Variants in DNAH7 observed in about 807,000 individuals in gnomAD.
DNAH7 encodes axonemal beta dynein heavy chain 7.
DNAH7 carries 397 observed loss-of-function variants against 444.6 expected under a neutral mutation model. The ratio of observed to expected loss-of-function variants is 0.89; its 90% confidence interval spans 0.82 to 0.97. DNAH7 has a LOEUF of 0.97. Ranked by LOEUF, DNAH7 falls within the 50% of genes least tolerant of loss-of-function variation. DNAH7 has a pLI of 0.00. For missense variants in DNAH7, 4,902 were observed against 4,800.8 expected (o/e 1.02, Z -0.62); for synonymous variants, 1,636 against 1,624.4 (o/e 1.01, Z -0.17).
chr2:195,741,439 G>T (rs1693026481), intron 63 of DNAH7, among the ~76,000 whole-genome samples: 1 of 152,310 alleles, frequency 6.6e-6, no homozygotes, highest in African/African-American at 2.4e-5. Flanking sequence ...AACAGCTAAA[G>T]AGTACAATTT....
At position 196,018,657 on chromosome 2, in the gene DNAH7, G is replaced by A. The variant is rs1050605166; in HGVS notation, c.869+513C>T. On this transcript the variant is annotated intron_variant, in intron 9 of 64. Transcript: ENST00000312428. ...TAGAGTTGAAAAACACAATTGACGT[G>A]CTGAAGAATGCATCAGAGTCCATTA... Among the ~76,000 whole-genome samples the A allele has an allele frequency of 1.1e-4, 16 of 152,230 alleles. No homozygotes were observed. The East Asian group carries it at 1.2e-3, about 11-fold the overall frequency.
chr2:195,943,897 TTCC>T (rs1385874342), intron 19 of DNAH7, among the ~76,000 whole-genome samples: 1 of 152,188 alleles, frequency 6.6e-6, no homozygotes, highest in Non-Finnish European at 1.5e-5. Flanking sequence ...TATAATTAAG[TTCC>T]TCCTTTTGCA....
At chr2:195,887,667 T>C (rs930808031) in intron 33 of DNAH7, among the ~76,000 whole-genome samples, 2 of 152,242 alleles carry the variant, frequency 1.3e-5, no homozygotes, top group Admixed American at 1.3e-4. Flanking sequence ...AAAGTCATTC[T>C]AAAAGACCTT....
At chr2:195,890,615 C>G (rs139382787) in intron 31 of DNAH7, among the ~76,000 whole-genome samples, 4 of 152,098 alleles carry the variant, frequency 2.6e-5, no homozygotes, top group Admixed American at 2.6e-4. Context: ...ACCTAAGAAG[C>G]CACATCAAGG....
At chr2:195,954,748 T>C (rs1181929805) in intron 19 of DNAH7, among the ~76,000 whole-genome samples, 1 of 152,266 alleles carries the variant, frequency 6.6e-6, no homozygotes, top group African/African-American at 2.4e-5. Context: ...TATCTCATTG[T>C]GGTTTTGATT....
At chr2:196,064,193 T>C (rs1263269825) in intron 1 of DNAH7, among the ~76,000 whole-genome samples, 5 of 151,592 alleles carry the variant, frequency 3.3e-5, no homozygotes, top group Admixed American at 3.3e-4. Context: ...CGGGTGCCTG[T>C]AGTCCTAGCT....
intron 19 of DNAH7, among the ~76,000 whole-genome samples, chr2:195,938,014 AGCCATGACTGAGAGATAAC>A: frequency 1.3e-5 from 2 of 152,160 alleles, no homozygotes; most frequent in Non-Finnish European, 2.9e-5. Context: ...TTTGGTATTT[AGCCATGACTGAGAGATAAC>A]CAAAAATGTA....
In DNAH7 at chr2:195,884,777, A is replaced by T; in HGVS notation, c.5571T>A (p.Val1857=). ...GIFLFSLIWS[V]GASCTDDDRL... is the part of the protein sequence containing the mutation. Reference sequence around the variant, plus strand: ...GATCATCATCTGTACAAGAAGCACCAACGGACCAGATCAATGAAAACAGAA... The same window carrying T: ...GATCATCATCTGTACAAGAAGCACCTACGGACCAGATCAATGAAAACAGAA... Residue 1857 remains valine, a synonymous_variant, in exon 35 of 65, where the codon GTT becomes GTA. Coordinates refer to ENST00000312428, the MANE Select transcript of DNAH7 (RefSeq NM_018897.3). The T allele has an allele frequency of 6.2e-7, 1 of 1,613,644 alleles. No homozygotes were observed. The highest frequency in any genetic ancestry group is 8.5e-7 in the Non-Finnish European group (1 of 1,179,876).
chr2:195,903,237 C>CAATAAAAAAAAA (rs1686813676), intron 27 of DNAH7: 1 of 149,454 alleles, frequency 6.7e-6, no homozygotes. Flanking sequence ...CATATTGGTA[C>CAATAAAAAAAAA]AATAAAAAAA....
intron 57 of DNAH7, among the ~76,000 whole-genome samples, chr2:195,789,597 T>C (rs914859953): frequency 1.9e-4 from 29 of 152,054 alleles, no homozygotes; most frequent in Non-Finnish European, 3.2e-4. Flanking sequence ...AAAGCAGTTA[T>C]TATACAGTGA....
intron 43 of DNAH7, among the ~76,000 whole-genome samples, chr2:195,858,150 C>T (rs556810118): frequency 7.0e-4 from 106 of 152,084 alleles, no homozygotes; most frequent in African/African-American, 2.4e-3. Context: ...AAAAAGGTAC[C>T]CCTTAGAATC....
chr2:195,817,387 C>T (rs912734868), intron 50 of DNAH7, among the ~76,000 whole-genome samples: 2 of 152,212 alleles, frequency 1.3e-5, no homozygotes, highest in African/African-American at 4.8e-5. Flanking sequence ...GTAAAAACAG[C>T]TTACCTCAGT....
chr2:195,821,390 G>A (rs1697463824), intron 49 of DNAH7, among the ~76,000 whole-genome samples: 2 of 152,138 alleles, frequency 1.3e-5, no homozygotes, highest in African/African-American at 4.8e-5. Context: ...TGGTGGGCAG[G>A]TCTTTGCAAA....
chr2:195,960,689 A>G lies in DNAH7; in HGVS notation c.2462T>C (p.Leu821Ser), dbSNP rs1342002975. The G allele has an allele frequency of 6.2e-7, 1 of 1,614,214 alleles. No homozygotes were observed. The highest frequency in any genetic ancestry group is 1.1e-5 in the South Asian group (1 of 91,084). The change falls in exon 18 of 65, where the codon TTG (leucine) becomes TCG (serine). Residue 821 changes from leucine to serine, a missense_variant. Coordinates refer to ENST00000312428, the MANE Select transcript of DNAH7 (RefSeq NM_018897.3). ...TGATCTTACTTTTTTTGTCATTGCC[A>G]ATGCATATGGAGAATCATGAAAGGT... ...EKTFHDSPYA[L>S]AMTKKVRSKV...
intron 40 of DNAH7, among the ~76,000 whole-genome samples, chr2:195,866,385 A>G (rs1700344298): frequency 6.6e-6 from 1 of 151,844 alleles, no homozygotes; most frequent in African/African-American, 2.4e-5. Context: ...AGCAAATGGT[A>G]TTATTTAAAC....
chr2:195,963,419 A>G (rs920678334), intron 17 of DNAH7, among the ~76,000 whole-genome samples: 5 of 152,152 alleles, frequency 3.3e-5, no homozygotes, highest in East Asian at 1.9e-4. Flanking sequence ...CTTTTGTGAC[A>G]TGTCTCTTCA....
intron 29 of DNAH7, among the ~76,000 whole-genome samples, chr2:195,895,897 T>C (rs1027349941): frequency 3.3e-5 from 5 of 150,934 alleles, no homozygotes; most frequent in African/African-American, 4.9e-5. Flanking sequence ...TAGTTTATTC[T>C]TTTTTTTTGC....
intron 3 of DNAH7, among the ~76,000 whole-genome samples, chr2:196,049,912 T>C (rs1056526075): frequency 2.0e-5 from 3 of 152,238 alleles, no homozygotes; most frequent in African/African-American, 7.2e-5. Flanking sequence ...TCTTTTACAC[T>C]AGAAAATTAA....
At chr2:195,838,742 A>G (rs946654797) in intron 47 of DNAH7, among the ~76,000 whole-genome samples, 1 of 151,982 alleles carries the variant, frequency 6.6e-6, no homozygotes, top group Non-Finnish European at 1.5e-5. Context: ...AAATGATGGT[A>G]AAAGATATAC....
Sources: allele counts gnomAD v4.1 joint callset (sites outside exome capture counted in the v4.1 genomes callset), GRCh38; gene constraint gnomAD v4.1.1; transcripts MANE v1.5; gene names NCBI Gene and HGNC (gene_info 2026-07-23, HGNC 2026-07-21).